The following ZNF718 variants were observed in gnomAD, a reference collection of about 807,000 sequenced individuals.
ZNF718 encodes the protein zinc finger protein 718.
In ZNF718, 3 loss-of-function variants were observed where a neutral mutation model predicts 2.6. That is an observed-to-expected ratio of 1.16 (90% confidence interval 0.53 to 3.01). ZNF718 has a LOEUF of 3.01. Among genes scored for constraint, ZNF718 ranks in the 30% most tolerant of loss-of-function variants. The probability of loss-of-function intolerance (pLI) is 0.03; values close to 1 mark genes in which losing one functional copy is unlikely to be tolerated. For missense variants in ZNF718, 468 were observed against 230.0 expected (o/e 2.03, Z -6.69); for synonymous variants, 135 against 77.9 (o/e 1.73, Z -3.86).
chr4:180,939 G>A (rs1717450937), intron 3 of ZNF718, among the ~76,000 whole-genome samples: 1 of 152,064 alleles, frequency 6.6e-6, no homozygotes, highest in Non-Finnish European at 1.5e-5. Flanking sequence ...AACTTAAAAT[G>A]TTTTGCCATT....
intron 3 of ZNF718, among the ~76,000 whole-genome samples, chr4:177,636 A>G (rs1015835894): frequency 6.6e-6 from 1 of 152,132 alleles, no homozygotes; most frequent in Non-Finnish European, 1.5e-5. Flanking sequence ...CTCTAACAGG[A>G]ATATTAACCT....
chr4:165,606 C>T (rs1717067802), downstream of ZNF718, among the ~76,000 whole-genome samples: 1 of 152,178 alleles, frequency 6.6e-6, no homozygotes, highest in African/African-American at 2.4e-5. Context: ...CGAGGCCAGC[C>T]TGGCCAACAT....
intron 3 of ZNF718, 64 bp from the exon 4 acceptor site, chr4:160,848 G>A: frequency 1.4e-6 from 1 of 690,636 alleles, no homozygotes; most frequent in Non-Finnish European, 2.6e-6. Flanking sequence ...ATAGTGCCTG[G>A]CCTGTAAAGT....
chr4:155,239 G>GC (rs536210053), intron 3 of ZNF718, among the ~76,000 whole-genome samples: 304 of 152,314 alleles, frequency 2.0e-3, no homozygotes, highest in Non-Finnish European at 3.5e-3. Context: ...TGGGGTTGGA[G>GC]CCCCCACACA....
intron 3 of ZNF718, among the ~76,000 whole-genome samples, chr4:180,189 C>G (rs1414032020): frequency 6.6e-6 from 1 of 152,168 alleles, no homozygotes; most frequent in Non-Finnish European, 1.5e-5. Context: ...AAACAATTTC[C>G]ATTTTTATCG....
chr4:170,687 T>G (rs1717205353), intron 3 of ZNF718, among the ~76,000 whole-genome samples: 1 of 152,216 alleles, frequency 6.6e-6, no homozygotes. Context: ...ATGCCTTGGT[T>G]TTCAGCTCCA....
intron 1 of ZNF718, 45 bp downstream of exon 1, chr4:124,718 CG>C (rs1560106008): frequency 1.2e-6 from 2 of 1,604,772 alleles, no homozygotes; most frequent in African/African-American, 2.7e-5. Context: ...GAGGCCTCAT[CG>C]GAACCGGCGG....
Position 130,780 on chromosome 4 carries a change from AT to A in ZNF718, c.4-4del. 1 of 359,428 alleles carries A rather than the reference AT, an allele frequency of 2.8e-6. No individual in the cohort carries two copies. 22.3% of individuals were successfully genotyped at this position (359,428 alleles called of 1,614,324 possible). A position where few individuals can be genotyped will look rare whatever the true frequency, so the allele number is the denominator to read the frequency against. The stretch of plus-strand genomic sequence containing the variant: ...GAATTCTGTCACTTGATAAATGTGT[AT>A]TTTCAGGAACTCTTAACATTCAAGG... On this transcript the variant is annotated splice_polypyrimidine_tract_variant and splice_region_variant and intron_variant, in intron 1 of 3. Transcript: ENST00000510175.
At chr4:199,247 T>G (rs1379635492) in intron 3 of ZNF718, among the ~76,000 whole-genome samples, 1 of 152,238 alleles carries the variant, frequency 6.6e-6, no homozygotes, top group Non-Finnish European at 1.5e-5. Flanking sequence ...TAGCCTTTCT[T>G]TGTTCCCCTG....
intron 3 of ZNF718, among the ~76,000 whole-genome samples, chr4:198,324 AG>A (rs1717832650): frequency 1.3e-5 from 2 of 152,216 alleles, no homozygotes; most frequent in Non-Finnish European, 2.9e-5. Context: ...ACAGGCTCAC[AG>A]GGAGGCATGA....
At chr4:144,084 CATTT>C (rs1469752410) in intron 3 of ZNF718, among the ~76,000 whole-genome samples, 1 of 152,162 alleles carries the variant, frequency 6.6e-6, no homozygotes, top group African/African-American at 2.4e-5. Flanking sequence ...TCACCCTCTC[CATTT>C]ACGTTGGGCA....
At position 136,753 on chromosome 4, in the gene ZNF718, T is replaced by C. The variant is rs527367635; in HGVS notation, c.226+5248T>C. 3.2e-4 allele frequency among the ~76,000 whole-genome samples: 49 copies of C among 152,384 alleles called. 1 individual carries two copies. In the South Asian group the frequency reaches 7.7e-3, roughly 24 times the overall value. Reference sequence around the variant, plus strand: ...ATAATGGCTTTAAGATTTATCCTTATTGTAGCATCTGACAAGATATTTTCA... The same window carrying C: ...ATAATGGCTTTAAGATTTATCCTTACTGTAGCATCTGACAAGATATTTTCA... On this transcript the variant is annotated intron_variant, in intron 3 of 3. Coordinates refer to ENST00000510175, the MANE Select transcript of ZNF718 (RefSeq NM_001039127.6).
intron 3 of ZNF718, among the ~76,000 whole-genome samples, chr4:138,437 C>T (rs1213158439): frequency 6.6e-6 from 1 of 152,090 alleles, no homozygotes; most frequent in Admixed American, 6.6e-5. Context: ...CTAGTTCCAT[C>T]CATGTTGTTG....
chr4:124,806 A>G, intron 1 of ZNF718, 133 bp downstream of exon 1: 1 of 1,243,098 alleles, frequency 8.0e-7, no homozygotes, highest in Non-Finnish European at 1.1e-6. Flanking sequence ...CCGGTGAGGG[A>G]CCCGCGCTCT....
At chr4:170,244 TG>T (rs1717193818) in intron 3 of ZNF718, among the ~76,000 whole-genome samples, 1 of 152,166 alleles carries the variant, frequency 6.6e-6, no homozygotes, top group Admixed American at 6.6e-5. Flanking sequence ...CTTCCCTTTG[TG>T]GGTAACCCGA....
intron 3 of ZNF718, among the ~76,000 whole-genome samples, chr4:199,342 T>C (rs1421421074): frequency 2.0e-5 from 3 of 152,232 alleles, no homozygotes; most frequent in Admixed American, 6.5e-5. Flanking sequence ...AATTAATATC[T>C]GTGCAGCATG....
intron 3 of ZNF718, among the ~76,000 whole-genome samples, chr4:156,610 T>TA (rs1301696132): frequency 3.9e-5 from 6 of 152,188 alleles, no homozygotes; most frequent in African/African-American, 1.2e-4. Flanking sequence ...CTCTACACAT[T>TA]AAAAAACCAT....
intron 3 of ZNF718, among the ~76,000 whole-genome samples, chr4:145,537 G>C (rs1299686581): frequency 2.0e-5 from 3 of 152,088 alleles, no homozygotes; most frequent in African/African-American, 7.2e-5. Flanking sequence ...TCACAGCTTA[G>C]TGCAGCCTCG....
chr4:185,498 TGTAGATAATC>T, intron 3 of ZNF718, among the ~76,000 whole-genome samples: 1 of 152,306 alleles, frequency 6.6e-6, no homozygotes, highest in South Asian at 2.1e-4. Flanking sequence ...TGGAGAGTTC[TGTAGATAATC>T]TATCAGTTCC....
Sources: allele counts gnomAD v4.1 joint callset (sites outside exome capture counted in the v4.1 genomes callset), GRCh38; gene constraint gnomAD v4.1.1; transcripts MANE v1.5; gene names NCBI Gene and HGNC (gene_info 2026-07-23, HGNC 2026-07-21).